Variants in RBFOX1 observed in about 807,000 individuals in gnomAD.
RBFOX1 encodes the protein RNA binding fox-1 homolog 1.
Under a neutral mutation model 57.7 loss-of-function variants are expected in RBFOX1, and 8 were observed. That is an observed-to-expected ratio of 0.14 (90% CI 0.08 to 0.25). The LOEUF (loss-of-function observed/expected upper bound fraction) is 0.25. Ranked by LOEUF, RBFOX1 falls within the 10% of genes least tolerant of loss-of-function variation. The pLI is 1.00. For missense variants in RBFOX1, 611 were observed against 548.5 expected (o/e 1.11, Z -1.14); for synonymous variants, 326 against 222.4 (o/e 1.47, Z -4.15).
intron 4 of RBFOX1, among the ~76,000 whole-genome samples, chr16:7,073,703 A>G (rs185681037): frequency 4.9e-4 from 74 of 152,012 alleles, no homozygotes; most frequent in Non-Finnish European, 9.6e-4. Flanking sequence ...AAAAATATAT[A>G]CAAAAAAAAA....
At chr16:7,394,235 C>CAAAAAAAAAAAAAAAAAAAAAAAAAAAAA (rs59934126) in intron 4 of RBFOX1, among the ~76,000 whole-genome samples, 3 of 55,026 alleles carry the variant, frequency 5.5e-5, no homozygotes, top group African/African-American at 8.4e-5. Flanking sequence ...GACTCCGCAT[C>CAAAAAAAAAAAAAAAAAAAAAAAAAAAAA]AAAAAAAAAA....
chr16:7,693,309 T>G (rs1157400651), intron 14 of RBFOX1: 1 of 1,613,184 alleles, frequency 6.2e-7, no homozygotes, highest in Admixed American at 1.7e-5. Context: ...TTATCTTCTC[T>G]TCCAGAAATC....
chr16:6,185,545 C>T (rs1413736988), intron 1 of RBFOX1, among the ~76,000 whole-genome samples: 3 of 152,208 alleles, frequency 2.0e-5, no homozygotes, highest in Admixed American at 1.3e-4. Flanking sequence ...CATCCTTGTT[C>T]ACGATGAAAT....
chr16:6,068,928 C>T (rs1414710834), intron 1 of RBFOX1, among the ~76,000 whole-genome samples: 1 of 152,026 alleles, frequency 6.6e-6, no homozygotes, highest in Non-Finnish European at 1.5e-5. Context: ...TCAGTTTGGC[C>T]CGGGAACAGG....
chr16:5,900,547 G>T (rs905827100), intron 4 of RBFOX1, among the ~76,000 whole-genome samples: 1 of 152,090 alleles, frequency 6.6e-6, no homozygotes, highest in Non-Finnish European at 1.5e-5. Context: ...CCTTTGTCTG[G>T]ACCCGTTCAT....
chr16:6,881,997 TA>T (rs1567697907), intron 3 of RBFOX1, among the ~76,000 whole-genome samples: 2 of 152,160 alleles, frequency 1.3e-5, no homozygotes, highest in Non-Finnish European at 1.5e-5. Flanking sequence ...GAAATTTTTT[TA>T]AAAAAACTAA....
At chr16:6,606,487 G>T (rs551643269) in intron 2 of RBFOX1, among the ~76,000 whole-genome samples, 21 of 152,056 alleles carry the variant, frequency 1.4e-4, no homozygotes, top group Non-Finnish European at 2.5e-4. Context: ...AGCCCCATAC[G>T]CATTAGCTGT....
At chr16:6,976,878 T>TGAG (rs1568182015) in intron 3 of RBFOX1, among the ~76,000 whole-genome samples, 1 of 144,476 alleles carries the variant, frequency 6.9e-6, no homozygotes, top group Non-Finnish European at 1.5e-5. Flanking sequence ...ATATGTCATA[T>TGAG]CCATATCACA....
chr16:7,631,721 C>T lies in RBFOX1; in HGVS notation c.757+1038C>T, dbSNP rs1050238262. Among the ~76,000 whole-genome samples, 14 of 152,038 alleles carry T rather than the reference C, an allele frequency of 9.2e-5. No homozygotes were observed. In the East Asian group the frequency reaches 1.7e-3, roughly 19 times the overall value. On this transcript the variant is annotated intron_variant, in intron 11 of 15. Coordinates refer to ENST00000550418, the MANE Select transcript of RBFOX1 (RefSeq NM_018723.4). ...AGTACCAGGCTCAAGGGATAAGAGA[C>T]GTAGGAGAATCCTCACCATCGTGCC...
chr16:7,200,475 C>G (rs150266330), intron 4 of RBFOX1, among the ~76,000 whole-genome samples: 154 of 152,330 alleles, frequency 1.0e-3, no homozygotes, highest in East Asian at 6.4e-3. Context: ...CTGTCAGACA[C>G]TGCAGTAGGC....
chr16:6,430,441 A>G (rs1352501360), intron 2 of RBFOX1, among the ~76,000 whole-genome samples: 1 of 152,220 alleles, frequency 6.6e-6, no homozygotes, highest in Non-Finnish European at 1.5e-5. Context: ...GGAAAAGATG[A>G]TGCCAGAGAA....
chr16:5,563,738 C>G (rs762726761), intron 2 of RBFOX1, among the ~76,000 whole-genome samples: 1 of 152,144 alleles, frequency 6.6e-6, no homozygotes, highest in Non-Finnish European at 1.5e-5. Flanking sequence ...TCAGTGGCTT[C>G]TCATATATTC....
intron 7 of RBFOX1, among the ~76,000 whole-genome samples, chr16:7,590,588 G>A (rs78395209): frequency 0.019 from 2,928 of 152,122 alleles, 70 homozygotes; most frequent in South Asian, 0.13. Context: ...GGCCGTGTGC[G>A]GTGGCTCACT....
At chr16:6,456,212 T>C (rs1192200525) in intron 2 of RBFOX1, among the ~76,000 whole-genome samples, 2 of 152,182 alleles carry the variant, frequency 1.3e-5, no homozygotes, top group African/African-American at 2.4e-5. Context: ...AGAAGAATTA[T>C]GTATTTCTGT....
chr16:6,601,817 C>T (rs900951749), intron 2 of RBFOX1, among the ~76,000 whole-genome samples: 4 of 152,012 alleles, frequency 2.6e-5, no homozygotes, highest in Non-Finnish European at 5.9e-5. Flanking sequence ...TAGTGCTGCC[C>T]GCATGGAATT....
intron 4 of RBFOX1, among the ~76,000 whole-genome samples, chr16:7,093,326 G>A (rs2084588196): frequency 6.6e-6 from 1 of 152,160 alleles, no homozygotes; most frequent in Admixed American, 6.5e-5. Context: ...TCTCTTGTCT[G>A]TGTCACCAGG....
rs187803052 is a variant in RBFOX1, at chr16:6,710,532, T to C, written c.-16+55882T>C. Among the ~76,000 whole-genome samples the C allele has an allele frequency of 1.4e-4, 21 of 152,332 alleles. No individual in the cohort carries two copies. In the East Asian group the frequency reaches 4.0e-3, roughly 29 times the overall value. Reference sequence around the variant, plus strand: ...TCCAAGTACTCAGAACCTCAAAAGGTGATGGTTACTTTATCTAAAGGTGCA... The same window carrying C: ...TCCAAGTACTCAGAACCTCAAAAGGCGATGGTTACTTTATCTAAAGGTGCA... On this transcript the variant is annotated intron_variant, in intron 3 of 15. Transcript: ENST00000550418.
chr16:5,377,286 A>G (rs1442926261), intron 1 of RBFOX1, among the ~76,000 whole-genome samples: 2 of 151,550 alleles, frequency 1.3e-5, no homozygotes, highest in African/African-American at 4.9e-5. Context: ...AGGAAGCTGC[A>G]GGATGCGGAG....
chr16:6,286,823 A>G (rs2076952146), intron 1 of RBFOX1, among the ~76,000 whole-genome samples: 1 of 152,160 alleles, frequency 6.6e-6, no homozygotes, highest in African/African-American at 2.4e-5. Context: ...AATCCTAAAT[A>G]ATATTATTTA....
Sources: gnomAD v4.1 joint callset for allele counts (sites outside exome capture counted in the v4.1 genomes callset) on GRCh38, gnomAD v4.1.1 for gene constraint, MANE v1.5 for transcripts, NCBI Gene and HGNC (gene_info 2026-07-23, HGNC 2026-07-21) for gene names.